TCF20: variants seen among roughly 807,000 people sequenced by gnomAD.
TCF20 encodes SPRE-binding protein.
TCF20 carries 3 observed loss-of-function variants against 148.6 expected under a neutral mutation model. The ratio of observed to expected loss-of-function variants is 0.02; its 90% CI spans 0.01 to 0.05. The LOEUF (loss-of-function observed/expected upper bound fraction) is 0.05. Among genes scored for constraint, TCF20 ranks in the 10% least tolerant of loss-of-function variants. TCF20 has a pLI of 1.00. For missense variants in TCF20, 2,350 were observed against 2,429.3 expected (o/e 0.97, Z 0.69); for synonymous variants, 1,049 against 909.5 (o/e 1.15, Z -2.76).
chr22:42,251,202 CTGTT>C (rs762106847), intron 1 of TCF20, among the ~76,000 whole-genome samples: 21 of 152,058 alleles, frequency 1.4e-4, no homozygotes, highest in Middle Eastern at 3.2e-3. Context: ...AGTGGTTTTT[CTGTT>C]TGTTTATTGA....
upstream of TCF20, among the ~76,000 whole-genome samples, chr22:42,272,453 C>T (rs1056351392): frequency 6.6e-6 from 1 of 152,228 alleles, no homozygotes; most frequent in Non-Finnish European, 1.5e-5. Context: ...TTCTTCCATT[C>T]TTTCCCTTCT....
At chr22:42,330,270 T>C (rs1927949342) in intron 1 of TCF20, among the ~76,000 whole-genome samples, 1 of 152,042 alleles carries the variant, frequency 6.6e-6, no homozygotes, top group South Asian at 2.1e-4. Context: ...TAACAAAGGG[T>C]CAATGAGAGG....
chr22:42,339,801 C>T (rs545937020), intron 1 of TCF20, among the ~76,000 whole-genome samples: 3 of 152,328 alleles, frequency 2.0e-5, no homozygotes, highest in South Asian at 4.1e-4. Flanking sequence ...CAGGTGCTCA[C>T]GGGGCCAGCC....
At position 42,323,926 on chromosome 22, in the gene TCF20, ATGGTGGTGG is replaced by A. The variant is rs1312568607; in HGVS notation, c.-37+19544_-37+19552del. ...GGAGGTGGTGGTGGTGATGGAGGTT[ATGGTGGTGG>A]TGGTGGTGATGGAGGTTATGGTGGT... On this transcript the variant is annotated intron_variant, in intron 1 of 1. Coordinates refer to the TCF20 transcript ENST00000515426. Among the ~76,000 whole-genome samples the A allele has an allele frequency of 2.1e-4, 2 of 9,618 alleles. 1 individual carries two copies. Among genetic ancestry groups the A allele is most frequent in the Non-Finnish European group, 5.4e-4 (2 of 3,724 alleles). 6.3% of individuals were successfully genotyped at this position (9,618 alleles called of 152,430 possible).
intron 2 of TCF20, among the ~76,000 whole-genome samples, chr22:42,196,816 C>T (rs1352570213): frequency 6.6e-6 from 1 of 152,184 alleles, no homozygotes; most frequent in Admixed American, 6.5e-5. Context: ...CACCCAGGTC[C>T]CACTGGTGGT....
chr22:42,263,676 T>C (rs1364061395), intron 1 of TCF20, among the ~76,000 whole-genome samples: 2 of 152,204 alleles, frequency 1.3e-5, no homozygotes, highest in Non-Finnish European at 2.9e-5. Flanking sequence ...AAGACAACAC[T>C]ACACATCTTT....
chr22:42,326,866 G>C (rs977998261), intron 1 of TCF20, among the ~76,000 whole-genome samples: 1 of 152,252 alleles, frequency 6.6e-6, no homozygotes, highest in Non-Finnish European at 1.5e-5. Context: ...TGATTCCAGA[G>C]CCGGAGCGCT....
At chr22:42,310,442 C>T (rs995132998) in intron 1 of TCF20, among the ~76,000 whole-genome samples, 6 of 116,832 alleles carry the variant, frequency 5.1e-5, no homozygotes, top group Non-Finnish European at 8.9e-5. Context: ...GGGGGTTGTG[C>T]GGGGGGGAGT....
At chr22:42,187,238 C>T (rs1012199470) in intron 2 of TCF20, among the ~76,000 whole-genome samples, 1 of 152,192 alleles carries the variant, frequency 6.6e-6, no homozygotes, top group Non-Finnish European at 1.5e-5. Flanking sequence ...CCTCCTGGGA[C>T]CCAGTCATCT....
intron 2 of TCF20, among the ~76,000 whole-genome samples, chr22:42,208,626 A>G (rs1448126722): frequency 6.6e-6 from 1 of 152,172 alleles, no homozygotes; most frequent in Non-Finnish European, 1.5e-5. Flanking sequence ...AACAAAACCC[A>G]CATACAAAAA....
intron 1 of TCF20, among the ~76,000 whole-genome samples, chr22:42,224,247 G>T (rs561451093): frequency 1.1e-4 from 17 of 151,938 alleles, no homozygotes; most frequent in Admixed American, 5.2e-4. Flanking sequence ...CGAGGTGGGC[G>T]GATAACGAGG....
At chr22:42,170,654 A>G in intron 3 of TCF20, among the ~76,000 whole-genome samples, 1 of 148,278 alleles carries the variant, frequency 6.7e-6, no homozygotes, top group Non-Finnish European at 1.5e-5. Flanking sequence ...AAAAAAAAAA[A>G]AGACTGAAAG....
At chr22:42,286,068 A>G (rs1170244786), upstream of TCF20, among the ~76,000 whole-genome samples, 1 of 152,106 alleles carries the variant, frequency 6.6e-6, no homozygotes, top group East Asian at 1.9e-4. Flanking sequence ...GGGTGACCTT[A>G]GACAAGCCAC....
At chr22:42,273,296 G>T (rs1926689073), upstream of TCF20, among the ~76,000 whole-genome samples, 1 of 143,576 alleles carries the variant, frequency 7.0e-6, no homozygotes, top group South Asian at 2.2e-4. Flanking sequence ...GGAGGCAAAG[G>T]TTGCAGTTAG....
At chr22:42,276,692 C>T (rs1238778517) in intron 1 of TCF20, 2 of 152,190 alleles carry the variant, frequency 1.3e-5, no homozygotes, top group Non-Finnish European at 2.9e-5. Context: ...GTCTCTCCCT[C>T]TAGTGACTCG....
At chr22:42,307,161 C>A (rs1312546214) in intron 1 of TCF20, among the ~76,000 whole-genome samples, 1 of 152,064 alleles carries the variant, frequency 6.6e-6, no homozygotes, top group Non-Finnish European at 1.5e-5. Context: ...TGAGATGCAC[C>A]AAGGGAGGCA....
chr22:42,215,971 C>A (rs1268454619), intron 1 of TCF20, among the ~76,000 whole-genome samples: 1 of 151,098 alleles, frequency 6.6e-6, no homozygotes, highest in Non-Finnish European at 1.5e-5. Context: ...CAAACTCAAC[C>A]AGATTAAAAT....
rs1161997769 is a variant in TCF20 at position 42,324,581 on chromosome 22, G to A, written c.-37+18898C>T. 6.6e-5 allele frequency among the ~76,000 whole-genome samples: 10 copies of A among 151,654 alleles called. No homozygotes were observed. The South Asian group carries it at 2.1e-3, about 32-fold the overall frequency. ...TGAGAAAATAATCTCCACCATTGGAGAAAATAATTTCCACCATCCGAGAAG... is the reference window on the plus strand; with the variant it reads ...TGAGAAAATAATCTCCACCATTGGAAAAAATAATTTCCACCATCCGAGAAG... On this transcript the variant is annotated intron_variant, in intron 1 of 1. Transcript: ENST00000515426.
At position 42,299,391 on chromosome 22, in the gene TCF20, C is replaced by T. The variant is rs1309963521; in HGVS notation, c.-37+44088G>A. Among the ~76,000 whole-genome samples, 1 of 152,132 alleles carries T rather than the reference C, an allele frequency of 6.6e-6. No individual in the cohort carries two copies. The highest frequency in any genetic ancestry group is 1.5e-5 in the Non-Finnish European group (1 of 68,024). ...CTCACACAGTCCTTACCTTGCTCTC[C>T]CTCCCCATGGACTCTCTCTCCCATC... On this transcript the variant is annotated intron_variant, in intron 1 of 1. Transcript: ENST00000515426. This position sits in a 1 kb window ranked among gnomAD's most constrained non-coding sequence, Gnocchi z 4.1.
Sources: allele counts gnomAD v4.1 joint callset (sites outside exome capture counted in the v4.1 genomes callset), GRCh38; gene constraint gnomAD v4.1.1; non-coding constraint Gnocchi (gnomAD v3.1); transcripts MANE v1.5; gene names NCBI Gene and HGNC (gene_info 2026-07-23, HGNC 2026-07-21).